The following RIMS2 variants were observed in gnomAD, a reference collection of about 807,000 sequenced individuals.
RIMS2 encodes regulating synaptic membrane exocytosis protein 2.
In RIMS2, 59 loss-of-function variants were observed where a neutral mutation model predicts 174.4. The ratio of observed to expected loss-of-function variants is 0.34; its 90% CI spans 0.27 to 0.42. The LOEUF (loss-of-function observed/expected upper bound fraction) is 0.42, where lower values mean the gene tolerates loss of function less well. Ranked by LOEUF, RIMS2 falls within the 10% of genes least tolerant of loss-of-function variation. The pLI is 1.00. For missense variants in RIMS2, 1,620 were observed against 1,666.3 expected (o/e 0.97, Z 0.48); for synonymous variants, 606 against 572.5 (o/e 1.06, Z -0.84).
chr8:104,052,303 T>C (rs60541390), intron 19 of RIMS2, among the ~76,000 whole-genome samples: 2 of 152,252 alleles, frequency 1.3e-5, no homozygotes, highest in African/African-American at 4.8e-5. Flanking sequence ...TTAAAATGGA[T>C]TTTATATGTT....
chr8:104,160,567 C>T (rs909598356), intron 19 of RIMS2, among the ~76,000 whole-genome samples: 14 of 152,166 alleles, frequency 9.2e-5, no homozygotes, highest in Admixed American at 6.5e-5. Flanking sequence ...TCTACAGCTA[C>T]AAATGCAAAT....
intron 19 of RIMS2, among the ~76,000 whole-genome samples, chr8:104,173,538 A>G (rs183813520): frequency 2.0e-5 from 3 of 151,436 alleles, no homozygotes; most frequent in Non-Finnish European, 4.4e-5. Flanking sequence ...AATGTTATGA[A>G]ACATTTTTTA....
intron 3 of RIMS2, chr8:103,819,295 T>G: frequency 7.3e-7 from 1 of 1,377,652 alleles, no homozygotes; most frequent in Non-Finnish European, 9.4e-7. Context: ...AGCCGAAAGC[T>G]GCACGGGTAC....
chr8:104,190,713 A>G (rs2098993217), intron 19 of RIMS2, among the ~76,000 whole-genome samples: 1 of 152,084 alleles, frequency 6.6e-6, no homozygotes, highest in Non-Finnish European at 1.5e-5. Context: ...ATATGAGAGC[A>G]TGCATTTTTT....
At chr8:104,240,666 C>A (rs887743784) in intron 19 of RIMS2, among the ~76,000 whole-genome samples, 43 of 152,188 alleles carry the variant, frequency 2.8e-4, no homozygotes, top group African/African-American at 9.6e-4. Flanking sequence ...CATTAGAACT[C>A]AAAGATATCA....
chr8:103,819,936 T>C (rs2098741619), intron 3 of RIMS2, among the ~76,000 whole-genome samples: 1 of 152,128 alleles, frequency 6.6e-6, no homozygotes, highest in East Asian at 1.9e-4. Flanking sequence ...AGATGTTTTC[T>C]TTGTGATCAT....
chr8:104,138,092 G>T (rs1350518365), intron 19 of RIMS2, among the ~76,000 whole-genome samples: 1 of 152,126 alleles, frequency 6.6e-6, no homozygotes, highest in Non-Finnish European at 1.5e-5. Context: ...ACGTCCTCCA[G>T]TTCCATCCAT....
chr8:103,884,238 C>G (rs1008685987), intron 3 of RIMS2, among the ~76,000 whole-genome samples: 1 of 151,812 alleles, frequency 6.6e-6, no homozygotes, highest in Non-Finnish European at 1.5e-5. Flanking sequence ...AAACCATTGA[C>G]TAAGAAATTC....
chr8:103,935,325 TTTCCATGTG>T (rs1229059054), intron 12 of RIMS2, among the ~76,000 whole-genome samples: 3 of 152,224 alleles, frequency 2.0e-5, no homozygotes, highest in African/African-American at 7.2e-5. Context: ...CATGTTATCT[TTTCCATGTG>T]TATTAGCAAA....
chr8:104,065,966 A>G (rs1403625342), intron 19 of RIMS2, among the ~76,000 whole-genome samples: 1 of 152,194 alleles, frequency 6.6e-6, no homozygotes, highest in Admixed American at 6.5e-5. Context: ...GTTATATTGC[A>G]TAAATCTGAT....
chr8:103,659,807 A>G (rs1659940724), intron 1 of RIMS2, among the ~76,000 whole-genome samples: 1 of 152,214 alleles, frequency 6.6e-6, no homozygotes. Flanking sequence ...TGACGAGTGG[A>G]GCGTTTCACT....
chr8:103,898,050 G>C (rs1227461598), intron 4 of RIMS2, among the ~76,000 whole-genome samples: 2 of 151,538 alleles, frequency 1.3e-5, no homozygotes, highest in African/African-American at 2.4e-5. Flanking sequence ...AGGTACAAGA[G>C]GTAATAATTT....
chr8:103,868,130 C>A, intron 3 of RIMS2, among the ~76,000 whole-genome samples: 1 of 151,970 alleles, frequency 6.6e-6, no homozygotes, highest in East Asian at 1.9e-4. Context: ...GAGATTGTAA[C>A]AGCTAAGTAA....
At chr8:104,048,622 A>G (rs1033998608) in intron 19 of RIMS2, among the ~76,000 whole-genome samples, 3 of 152,204 alleles carry the variant, frequency 2.0e-5, no homozygotes, top group Non-Finnish European at 4.4e-5. Flanking sequence ...TAACAATAAA[A>G]ACGATCTTAC....
chr8:103,766,298 T>C (rs763941355), exon 3 of RIMS2: 5 of 1,613,300 alleles, frequency 3.1e-6, no homozygotes, highest in East Asian at 2.2e-5. Flanking sequence ...GGTTTTATAA[T>C]AGTGGATCTA....
rs1198847761 is a variant in RIMS2, at chr8:103,607,986, C to T, written c.177-89100C>T. On this transcript the variant is annotated intron_variant, in intron 1 of 23. Coordinates refer to ENST00000504942, the Ensembl canonical transcript of RIMS2. ...TCAGAGTAATTTGATCGTCTGAAGC[C>T]TTCTTCTCTCAGCTCGTCAAAGTCA... Among the ~76,000 whole-genome samples, 67 of 146,954 alleles carry T rather than the reference C, an allele frequency of 4.6e-4. 1 individual carries two copies. Among genetic ancestry groups the T allele is most frequent in the Admixed American group, 2.0e-4 (3 of 15,004 alleles).
intron 3 of RIMS2, among the ~76,000 whole-genome samples, chr8:103,810,396 C>G (rs981649009): frequency 5.9e-5 from 9 of 152,176 alleles, no homozygotes; most frequent in Admixed American, 1.3e-4. Flanking sequence ...TACACTCAAT[C>G]AGTGGCAAGC....
chr8:104,152,907 A>G (rs1041839824), intron 19 of RIMS2, among the ~76,000 whole-genome samples: 5 of 152,262 alleles, frequency 3.3e-5, no homozygotes, highest in African/African-American at 9.6e-5. Context: ...ATATTTTGAG[A>G]TGGTATTTAC....
At chr8:104,253,223 C>T (rs148422757), downstream of RIMS2, 224 of 152,146 alleles carry the variant, frequency 1.5e-3, 1 homozygote, top group African/African-American at 5.2e-3. Flanking sequence ...TTAGCACCAG[C>T]ATTATTCATA....
Sources: allele counts gnomAD v4.1 joint callset (sites outside exome capture counted in the v4.1 genomes callset), GRCh38; gene constraint gnomAD v4.1.1; transcripts MANE v1.5; gene names NCBI Gene and HGNC (gene_info 2026-07-23, HGNC 2026-07-21).